The following EN2 variants were observed in gnomAD, a reference collection of about 807,000 sequenced individuals.
EN2 encodes homeobox protein engrailed-2.
Under a neutral mutation model 25.0 loss-of-function variants are expected in EN2, and 7 were observed. That is an observed-to-expected ratio of 0.28 (90% CI 0.16 to 0.53). The LOEUF is 0.53. EN2 is among the 20% of genes least tolerant of loss of function. The pLI, the probability that EN2 is intolerant of heterozygous loss-of-function variation, is 0.96. For synonymous variants in EN2, 277 were observed against 243.3 expected (o/e 1.14, Z -1.29); for missense variants, 524 against 501.8 (o/e 1.04, Z -0.42).
In EN2 at chr7:155,458,894, C is replaced by T. The variant is rs1193648386; in HGVS notation, c.517C>T (p.Pro173Ser). Reference protein sequence around the residue: ...LHGGAKKGGDPGGPLDGSLKA... With the variant: ...LHGGAKKGGDSGGPLDGSLKA... ...CGGTGGCGCCAAGAAAGGCGGCGAC[C>T]CCGGCGGCCCCCTGGACGGGTCGCT... Residue 173 changes from proline to serine, a missense_variant, in exon 1 of 2, where the codon CCC (proline) becomes TCC (serine). Pro to Ser is a moderately conservative substitution (Grantham distance 74). Coordinates refer to ENST00000297375, the MANE Select transcript of EN2 (RefSeq NM_001427.4). 1 of 1,496,434 alleles carries T rather than the reference C, an allele frequency of 6.7e-7. No homozygotes were observed. Among genetic ancestry groups the T allele is most frequent in the Non-Finnish European group, 8.8e-7 (1 of 1,130,874 alleles). 92.7% of individuals were successfully genotyped at this position (1,496,434 alleles called of 1,614,324 possible). A position where few individuals can be genotyped will look rare whatever the true frequency, so the allele number is the denominator to read the frequency against.
At position 155,458,287 on chromosome 7, in the gene EN2, C is replaced by A. The variant is rs1230587948; in HGVS notation, c.-91C>A. On this transcript the variant is annotated 5_prime_UTR_variant, in exon 1 of 2. Transcript: ENST00000297375. Reference sequence around the variant, plus strand: ...CTCGGAAGACTCGGCGGGGTGGGGGCGCGGGGGTCTCCGTGTGCGCCGCGG... The same window carrying A: ...CTCGGAAGACTCGGCGGGGTGGGGGAGCGGGGGTCTCCGTGTGCGCCGCGG... 19 of 1,242,746 alleles carry A rather than the reference C, an allele frequency of 1.5e-5. No homozygotes were observed. In the East Asian group the frequency reaches 1.9e-4, roughly 13 times the overall value. 77.0% of individuals were successfully genotyped at this position (1,242,746 alleles called of 1,614,324 possible). A position where few individuals can be genotyped will look rare whatever the true frequency, so the allele number is the denominator to read the frequency against.
chr7:155,458,718 G>A lies in EN2; in HGVS notation c.341G>A (p.Gly114Asp). The change falls in exon 1 of 2, where the codon GGC becomes GAC. Residue 114 changes from glycine to aspartate, a missense_variant. Coordinates refer to ENST00000297375, the MANE Select transcript of EN2 (RefSeq NM_001427.4). ...GGASGAEGGG[G>D]AGGSEQLLGS... ...GCGAGCGGTGCGGAGGGAGGCGGCG[G>A]CGCGGGCGGCTCGGAGCAGCTCTTG... 7.5e-7 allele frequency: 1 copy of A among 1,329,668 alleles called. No homozygotes were observed. The highest frequency in any genetic ancestry group is 2.0e-5 in the South Asian group (1 of 48,920). 82.4% of individuals were successfully genotyped at this position (1,329,668 alleles called of 1,614,324 possible).
chr7:155,459,019 G>C lies in EN2; in HGVS notation c.642G>C (p.Pro214=). 3 of 1,576,832 alleles carry C rather than the reference G, an allele frequency of 1.9e-6. No homozygotes were observed. Among genetic ancestry groups the C allele is most frequent in the Non-Finnish European group, 2.6e-6 (3 of 1,170,528 alleles). The change falls in exon 1 of 2, where the codon CCG becomes CCC. Residue 214 remains proline, a synonymous_variant. Transcript: ENST00000297375. ...TGGGCGCGCAGCCCATGCTCTGGCC[G>C]GCGTGGGTCTACTGTACGCGCTACT... ...ANLGAQPMLW[P]AWVYCTRYSD...
chr7:155,461,151 G>C (rs190624074), intron 1 of EN2, among the ~76,000 whole-genome samples: 134 of 152,280 alleles, frequency 8.8e-4, no homozygotes, highest in Middle Eastern at 6.8e-3. Context: ...CAGTGTGCCC[G>C]GCAGCTCTCC....
At position 155,462,389 on chromosome 7, in the gene EN2, C is replaced by T. The variant is rs779467371; in HGVS notation, c.704C>T (p.Pro235Leu). ...TACCCAGGTCCCAGGTCTCGAAAAC[C>T]AAAGAAGAAGAACCCGAACAAAGAG... ...RPSSGPRSRKPKKKNPNKEDK... is the reference protein window; with the variant it reads ...RPSSGPRSRKLKKKNPNKEDK... The change falls in exon 2 of 2, where the codon CCA becomes CTA. Residue 235 changes from proline (P) to leucine (L), a missense_variant. Pro to Leu is a moderately conservative substitution (Grantham distance 98). Transcript: ENST00000297375. 7 of 1,610,244 alleles carry T rather than the reference C, an allele frequency of 4.3e-6. No homozygotes were observed. The highest frequency in any genetic ancestry group is 1.1e-5 in the South Asian group (1 of 90,612).
chr7:155,462,194 G>A (rs997591953), intron 1 of EN2, among the ~76,000 whole-genome samples, 177 bp from the exon 2 acceptor site: 1 of 152,166 alleles, frequency 6.6e-6, no homozygotes, highest in Non-Finnish European at 1.5e-5. Flanking sequence ...CCAAGTGGTG[G>A]AGGTCCGCGT....
chr7:155,463,882 T>A lies in EN2; in HGVS notation c.*1195T>A, dbSNP rs67027007. The stretch of plus-strand genomic sequence containing the variant: ...CCTTTCCTTTTTCTTTTCTTCCCTA[T>A]TTTTTTCTTTTTTTCCTTTATTTTT... On this transcript the variant is annotated 3_prime_UTR_variant, in exon 2 of 2. Coordinates refer to ENST00000297375, the MANE Select transcript of EN2 (RefSeq NM_001427.4). The A allele has an allele frequency of 0.12, 18,945 of 152,262 alleles. 1,422 individuals are homozygous for A. Among genetic ancestry groups the A allele is most frequent in the East Asian group, 0.19 (992 of 5,178 alleles). The allele number at this position is 152,262 out of a possible 1,614,324, so 9.4% of individuals were successfully genotyped here.
At position 155,462,987 on chromosome 7, in the gene EN2, C is replaced by A; in HGVS notation, c.*300C>A. On this transcript the variant is annotated 3_prime_UTR_variant, in exon 2 of 2. Transcript: ENST00000297375. ...TCACCTTTTTTTAATCCCCTAAGCT[C>A]CATTATATGACATTGGACACTTTTT... The A allele has an allele frequency of 3.9e-6, 1 of 253,314 alleles. No individual in the cohort carries two copies. The highest frequency in any genetic ancestry group is 7.4e-6 in the Non-Finnish European group (1 of 135,146). 15.7% of individuals were successfully genotyped at this position (253,314 alleles called of 1,614,324 possible). A position where few individuals can be genotyped will look rare whatever the true frequency, so the allele number is the denominator to read the frequency against.
chr7:155,461,719 T>G (rs1795698757), intron 1 of EN2, among the ~76,000 whole-genome samples: 1 of 152,012 alleles, frequency 6.6e-6, no homozygotes, highest in Admixed American at 6.5e-5. Context: ...TCAGTGCCCC[T>G]CCCCACCAAG....
chr7:155,460,058 G>C (rs1179596919), intron 1 of EN2, among the ~76,000 whole-genome samples: 1 of 152,176 alleles, frequency 6.6e-6, no homozygotes, highest in African/African-American at 2.4e-5. Context: ...TTTTGCGGGG[G>C]TCATTTGCCC....
chr7:155,461,694 C>G lies in EN2; in HGVS notation c.686-677C>G, dbSNP rs186896762. ...AGATTTCCAGTGGGTGAAGGACTCACCCACTGTGAGTAGCTCAGTGCCCCT... is the reference window on the plus strand; with the variant it reads ...AGATTTCCAGTGGGTGAAGGACTCAGCCACTGTGAGTAGCTCAGTGCCCCT... On this transcript the variant is annotated intron_variant, in intron 1 of 1. Coordinates refer to ENST00000297375, the MANE Select transcript of EN2 (RefSeq NM_001427.4). 3.7e-3 allele frequency among the ~76,000 whole-genome samples: 557 copies of G among 152,328 alleles called. 1 individual carries two copies. The highest frequency in any genetic ancestry group is 0.012 in the African/African-American group (517 of 41,582).
chr7:155,459,115 C>T, intron 1 of EN2, 53 bp downstream of exon 1: 1 of 1,497,716 alleles, frequency 6.7e-7, no homozygotes, highest in Non-Finnish European at 8.8e-7. Context: ...GCCCGCGGAG[C>T]TGGGGGGCGG....
At chr7:155,460,293 GC>G (rs1312521998) in intron 1 of EN2, among the ~76,000 whole-genome samples, 1 of 152,184 alleles carries the variant, frequency 6.6e-6, no homozygotes, top group Non-Finnish European at 1.5e-5. Flanking sequence ...GCCCCCAACG[GC>G]CCGGGAGCTG....
intron 1 of EN2, among the ~76,000 whole-genome samples, chr7:155,460,433 G>A (rs1276511865): frequency 6.6e-6 from 1 of 152,234 alleles, no homozygotes; most frequent in African/African-American, 2.4e-5. Context: ...AGAAAGGGGA[G>A]AGAGAGTTTT....
intron 1 of EN2, 55 bp downstream of exon 1, chr7:155,459,117 G>T: frequency 1.3e-6 from 2 of 1,491,870 alleles, no homozygotes; most frequent in Non-Finnish European, 1.8e-6. Context: ...CCGCGGAGCT[G>T]GGGGGCGGTG....
rs3808327 is a variant in EN2, at chr7:155,463,505, T to C, written c.*818T>C. ...CTCCTCCTTCCTTCCTCCTCCTCCT[T>C]CTCTTTCCTCCTCCTCCTCACCAAG... is the stretch of plus-strand genomic sequence containing the variant. On this transcript the variant is annotated 3_prime_UTR_variant, in exon 2 of 2. Coordinates refer to ENST00000297375, the MANE Select transcript of EN2 (RefSeq NM_001427.4). 32,729 of 150,398 alleles carry C rather than the reference T, an allele frequency of 0.22. 4,091 individuals carry two copies. The highest frequency in any genetic ancestry group is 0.35 in the African/African-American group (13,817 of 39,278). The allele number at this position is 150,398 out of a possible 1,614,324, so 9.3% of individuals were successfully genotyped here. A position where few individuals can be genotyped will look rare whatever the true frequency, so the allele number is the denominator to read the frequency against.
chr7:155,462,494 C>G lies in EN2; in HGVS notation c.809C>G (p.Thr270Arg), dbSNP rs1237336091. 3.7e-6 allele frequency: 6 copies of G among 1,614,192 alleles called. No individual in the cohort carries two copies. The highest frequency in any genetic ancestry group is 4.2e-6 in the Non-Finnish European group (5 of 1,180,038). The change falls in exon 2 of 2, where the codon ACG (threonine) becomes AGG (arginine). Residue 270 changes from threonine to arginine, a missense_variant. By Grantham distance (71) the Thr-to-Arg change is moderately conservative. Coordinates refer to ENST00000297375, the MANE Select transcript of EN2 (RefSeq NM_001427.4). ...KAEFQTNRYL[T>R]EQRRQSLAQE... ...GAGTTCCAGACCAACAGGTACCTGA[C>G]GGAGCAGCGGCGCCAGAGCCTGGCG... is the stretch of plus-strand genomic sequence containing the variant.
At position 155,462,945 on chromosome 7, in the gene EN2, G is replaced by C. The variant is rs1795713873; in HGVS notation, c.*258G>C. On this transcript the variant is annotated 3_prime_UTR_variant, in exon 2 of 2. Transcript: ENST00000297375. ...TATGGGTTTTTTTCTTTTTTGCGAA[G>C]GGGGCTGCTTAGGGTTTCACCTTTT... 8.3e-6 allele frequency: 3 copies of C among 363,414 alleles called. No individual in the cohort carries two copies. The highest frequency in any genetic ancestry group is 1.4e-5 in the Non-Finnish European group (3 of 210,548). The allele number at this position is 363,414 out of a possible 1,614,324, so 22.5% of individuals were successfully genotyped here.
At chr7:155,461,054 C>T (rs937799450) in intron 1 of EN2, among the ~76,000 whole-genome samples, 8 of 152,296 alleles carry the variant, frequency 5.3e-5, no homozygotes, top group Admixed American at 3.9e-4. Flanking sequence ...TCTTGCTGGG[C>T]ACAGCCCCAG....
Sources: gnomAD v4.1 joint callset for allele counts (sites outside exome capture counted in the v4.1 genomes callset) on GRCh38, gnomAD v4.1.1 for gene constraint, MANE v1.5 for transcripts, NCBI Gene and HGNC (gene_info 2026-07-23, HGNC 2026-07-21) for gene names.